BBS9: variants seen among roughly 807,000 people sequenced by gnomAD.
The protein encoded by BBS9 is Bardet-Biedl syndrome 9.
A neutral mutation model predicts 117.7 loss-of-function variants in BBS9; 89 were observed. The ratio of observed to expected loss-of-function variants is 0.76; its 90% CI spans 0.64 to 0.90. The LOEUF is 0.90. Among genes scored for constraint, BBS9 ranks in the 40% least tolerant of loss-of-function variants. The probability of loss-of-function intolerance (pLI) is 0.00; values close to 1 mark genes in which losing one functional copy is unlikely to be tolerated. For missense variants in BBS9, 982 were observed against 1,042.2 expected (o/e 0.94, Z 0.80); for synonymous variants, 379 against 370.9 (o/e 1.02, Z -0.25).
intron 4 of BBS9, among the ~76,000 whole-genome samples, chr7:33,163,393 T>G (rs908590128): frequency 4.6e-5 from 7 of 152,232 alleles, no homozygotes; most frequent in African/African-American, 1.7e-4. Flanking sequence ...TGGAATAGTT[T>G]CAGAAGGTAT....
intron 9 of BBS9, among the ~76,000 whole-genome samples, chr7:33,318,645 T>G (rs1329144269): frequency 1.3e-5 from 2 of 152,136 alleles, no homozygotes; most frequent in African/African-American, 2.4e-5. Flanking sequence ...AGTAAGTTCT[T>G]TAGTGGTGAT....
chr7:33,277,400 A>G (rs1800970463), intron 9 of BBS9, among the ~76,000 whole-genome samples: 2 of 152,146 alleles, frequency 1.3e-5, no homozygotes, highest in Non-Finnish European at 2.9e-5. Flanking sequence ...CCCTTTTTAT[A>G]TGAGGGACAA....
chr7:33,541,043 C>T (rs1585183561), intron 21 of BBS9, among the ~76,000 whole-genome samples: 1 of 152,156 alleles, frequency 6.6e-6, no homozygotes, highest in African/African-American at 2.4e-5. Flanking sequence ...GCTTCTTTTT[C>T]CCTTTTCTGT....
At chr7:33,534,590 G>A (rs1403087461) in intron 21 of BBS9, among the ~76,000 whole-genome samples, 4 of 152,198 alleles carry the variant, frequency 2.6e-5, no homozygotes, top group African/African-American at 9.6e-5. Context: ...CTGTTTGCTT[G>A]GATTGTGGTC....
intron 5 of BBS9, among the ~76,000 whole-genome samples, chr7:33,248,048 A>T (rs972822521): frequency 1.3e-5 from 2 of 152,230 alleles, no homozygotes; most frequent in African/African-American, 2.4e-5. Context: ...TTTGCTATTA[A>T]AATTAGACAC....
chr7:33,528,330 T>TTTTGTTTG (rs139460908), intron 20 of BBS9, among the ~76,000 whole-genome samples: 2 of 151,986 alleles, frequency 1.3e-5, no homozygotes, highest in Non-Finnish European at 2.9e-5. Flanking sequence ...TCTCGTGGTT[T>TTTTGTTTG]TTTGTTTGTT....
chr7:33,416,625 C>T (rs1008567443), intron 19 of BBS9, among the ~76,000 whole-genome samples: 1 of 151,984 alleles, frequency 6.6e-6, no homozygotes, highest in Non-Finnish European at 1.5e-5. Flanking sequence ...AGCTGTGATG[C>T]ACAGTGATGG....
At chr7:33,261,078 T>TC (rs200454946) in intron 6 of BBS9, among the ~76,000 whole-genome samples, 37 of 151,996 alleles carry the variant, frequency 2.4e-4, no homozygotes, top group Non-Finnish European at 3.4e-4. Flanking sequence ...TTTTTTTTTT[T>TC]CCCACATACT....
At chr7:33,135,843 T>A (rs193236609) in intron 1 of BBS9, among the ~76,000 whole-genome samples, 191 of 152,354 alleles carry the variant, frequency 1.3e-3, no homozygotes, top group South Asian at 6.8e-3. Context: ...TTAGATCTTC[T>A]TTAATTTCTA....
At chr7:33,131,810 A>T (rs1160429876) in intron 1 of BBS9, among the ~76,000 whole-genome samples, 1 of 152,202 alleles carries the variant, frequency 6.6e-6, no homozygotes, top group Non-Finnish European at 1.5e-5. Context: ...TTAAAATATT[A>T]AAAAAAGAAC....
intron 5 of BBS9, 102 bp downstream of exon 5, chr7:33,177,693 T>A: frequency 1.2e-6 from 1 of 858,934 alleles, no homozygotes; most frequent in Non-Finnish European, 1.9e-6. Flanking sequence ...CAGAAAGAGT[T>A]AAAATAGACA....
chr7:33,402,390 G>A lies in BBS9; in HGVS notation c.2115+14246G>A, dbSNP rs10253352. Among the ~76,000 whole-genome samples the A allele has an allele frequency of 7.1e-3, 1,086 of 152,202 alleles. 18 individuals carry two copies. The highest frequency in any genetic ancestry group is 0.045 in the South Asian group (219 of 4,824). ...ATAATTTGCATACCAAAATTCATGC[G>A]TTGTAGTGTACCATTTAAGGATTTT... On this transcript the variant is annotated intron_variant, in intron 19 of 22. Coordinates refer to ENST00000242067, the MANE Select transcript of BBS9 (RefSeq NM_198428.3).
chr7:33,533,908 C>G, intron 20 of BBS9, 46 bp from the exon 21 acceptor site: 1 of 1,599,164 alleles, frequency 6.3e-7, no homozygotes, highest in South Asian at 1.1e-5. Flanking sequence ...GCCCACTTTT[C>G]TTATTGTCAT....
At position 33,316,689 on chromosome 7, in the gene BBS9, C is replaced by T. The variant is rs538545388; in HGVS notation, c.1017-19752C>T. On this transcript the variant is annotated intron_variant, in intron 9 of 22. Coordinates refer to ENST00000242067, the MANE Select transcript of BBS9 (RefSeq NM_198428.3). ...TGGCTTATTGGCCATTTTTATACTT[C>T]GCTCTGTGAAATGTATATTCATGTC... Among the ~76,000 whole-genome samples the T allele has an allele frequency of 6.6e-5, 10 of 152,194 alleles. No individual in the cohort carries two copies. The East Asian group carries it at 1.4e-3, about 21-fold the overall frequency.
intron 19 of BBS9, among the ~76,000 whole-genome samples, chr7:33,439,033 G>A (rs1208787172): frequency 6.6e-6 from 1 of 152,132 alleles, no homozygotes; most frequent in Non-Finnish European, 1.5e-5. Context: ...TTCAAGCTTT[G>A]GGCTGATTTA....
rs148797586 is a variant in BBS9 at position 33,134,345 on chromosome 7, G to A, written c.-12+4304G>A. Among the ~76,000 whole-genome samples the A allele has an allele frequency of 5.3e-5, 8 of 151,862 alleles. No homozygotes were observed. In the East Asian group the frequency reaches 5.8e-4, roughly 11 times the overall value. On this transcript the variant is annotated intron_variant, in intron 1 of 22. Transcript: ENST00000242067. The stretch of plus-strand genomic sequence containing the variant: ...CTCCCAACGTGCTGGGATTACAGGC[G>A]TGAGCCACTGCGCCTGGCCTTGAGC...
intron 19 of BBS9, among the ~76,000 whole-genome samples, chr7:33,495,338 A>G (rs1400201517): frequency 6.6e-6 from 1 of 152,140 alleles, no homozygotes; most frequent in Non-Finnish European, 1.5e-5. Context: ...CTGCCCATCT[A>G]TCCATCATTT....
chr7:33,572,674 T>C (rs554521609), intron 21 of BBS9, among the ~76,000 whole-genome samples: 2 of 152,176 alleles, frequency 1.3e-5, no homozygotes, highest in Non-Finnish European at 2.9e-5. Context: ...GGTTTTGATT[T>C]GCATTTCTCT....
chr7:33,511,296 T>C (rs997906791), intron 20 of BBS9, among the ~76,000 whole-genome samples: 1 of 152,156 alleles, frequency 6.6e-6, no homozygotes, highest in Admixed American at 6.6e-5. Flanking sequence ...ATCCAGCTTA[T>C]GGCAAGAGAA....
Sources: gnomAD v4.1 joint callset for allele counts (sites outside exome capture counted in the v4.1 genomes callset) on GRCh38, gnomAD v4.1.1 for gene constraint, MANE v1.5 for transcripts, NCBI Gene and HGNC (gene_info 2026-07-23, HGNC 2026-07-21) for gene names.